The following CSNK2A2 variants were observed in gnomAD, a reference collection of about 807,000 sequenced individuals.
CSNK2A2 encodes casein kinase II subunit alpha'.
CSNK2A2 carries 8 observed loss-of-function variants against 54.0 expected under a neutral mutation model. That is an observed-to-expected ratio of 0.15 (90% confidence interval 0.09 to 0.27). The LOEUF is 0.27. CSNK2A2 is among the 10% of genes least tolerant of loss of function. The pLI is 1.00. For synonymous variants in CSNK2A2, 141 were observed against 153.9 expected (o/e 0.92, Z 0.62); for missense variants, 242 against 439.4 (o/e 0.55, Z 4.02).
At chr16:58,166,438 A>AT in intron 9 of CSNK2A2, 146 bp downstream of exon 9, 2 of 529,936 alleles carry the variant, frequency 3.8e-6, no homozygotes, top group Non-Finnish European at 6.7e-6. Flanking sequence ...AAATATCTCA[A>AT]TAAGTTAAAA....
chr16:58,197,508 C>G lies in CSNK2A2; in HGVS notation c.104+125G>C, dbSNP rs1428881837. 2.0e-6 allele frequency: 1 copy of G among 488,504 alleles called. No individual in the cohort carries two copies. The highest frequency in any genetic ancestry group is 2.1e-5 in the African/African-American group (1 of 47,416). The allele number at this position is 488,504 out of a possible 1,614,324, so 30.3% of individuals were successfully genotyped here. A position where few individuals can be genotyped will look rare whatever the true frequency, so the allele number is the denominator to read the frequency against. On this transcript the variant is annotated intron_variant, in intron 1 of 11. Coordinates refer to ENST00000262506, the MANE Select transcript of CSNK2A2 (RefSeq NM_001896.4). This position sits in a 1 kb window ranked among gnomAD's most constrained non-coding sequence, Gnocchi z 4.0. ...GAGGACATGTGCGAGAGCGGGACCT[C>G]TGCCTCCCTGCGGGCCCGCGGAGGG...
chr16:58,180,182 GA>G (rs1961996559), intron 4 of CSNK2A2, among the ~76,000 whole-genome samples: 2 of 151,554 alleles, frequency 1.3e-5, no homozygotes. Context: ...GTTGAAGGAA[GA>G]AAGAAGAAAA....
chr16:58,165,107 G>C (rs1170306748), intron 10 of CSNK2A2, among the ~76,000 whole-genome samples: 1 of 152,062 alleles, frequency 6.6e-6, no homozygotes, highest in Non-Finnish European at 1.5e-5. Context: ...ATTTCAGTGA[G>C]GCCTCTCCAC....
Position 58,197,494 on chromosome 16 carries a change from C to A in CSNK2A2, c.104+139G>T. The A allele has an allele frequency of 4.3e-6, 2 of 464,766 alleles. No homozygotes were observed. Among genetic ancestry groups the A allele is most frequent in the Non-Finnish European group, 7.8e-6 (2 of 257,680 alleles). 28.8% of individuals were successfully genotyped at this position (464,766 alleles called of 1,614,324 possible). On this transcript the variant is annotated intron_variant, in intron 1 of 11. Coordinates refer to ENST00000262506, the MANE Select transcript of CSNK2A2 (RefSeq NM_001896.4). The surrounding 1 kb of genome is among the most constrained non-coding windows in gnomAD (Gnocchi z 4.0). ...GGGAAGAGGAAGACGAGGACATGTG[C>A]GAGAGCGGGACCTCTGCCTCCCTGC...
rs984633409 is a variant in CSNK2A2, at chr16:58,198,096, AAGG to A, written c.-363_-361del. ...GGCAGCGGCGGCGGCAGCGGAGAAG[AAGG>A]AGGAGAGGAGGAGGAGGCGGAGGAA... On this transcript the variant is annotated 5_prime_UTR_variant, in exon 1 of 12. Transcript: ENST00000262506. Among the ~76,000 whole-genome samples the A allele has an allele frequency of 3.4e-5, 5 of 146,182 alleles. No individual in the cohort carries two copies. Among genetic ancestry groups the A allele is most frequent in the African/African-American group, 9.8e-5 (4 of 40,762 alleles).
At chr16:58,187,720 T>C (rs527310877) in intron 2 of CSNK2A2, among the ~76,000 whole-genome samples, 1 of 152,256 alleles carries the variant, frequency 6.6e-6, no homozygotes, top group Non-Finnish European at 1.5e-5. Context: ...TATTTTCATA[T>C]TTTTAGTAAT....
At position 58,196,751 on chromosome 16, in the gene CSNK2A2, C is replaced by T. The variant is rs1962464275; in HGVS notation, c.198G>A (p.Val66=). 2 of 1,612,944 alleles carry T rather than the reference C, an allele frequency of 1.2e-6. No homozygotes were observed. Among genetic ancestry groups the T allele is most frequent in the Non-Finnish European group, 1.7e-6 (2 of 1,178,960 alleles). The stretch of plus-strand genomic sequence containing the variant: ...CACTCACCTTCAGGATTTTTACAAC[C>T]ACTCTCTCATTGTTGGTGATATTAA... The part of the protein sequence containing the change: ...EAINITNNER[V]VVKILKPVKK... Residue 66 remains valine (V), a synonymous_variant, in exon 2 of 12, where the codon GTG becomes GTA. Coordinates refer to ENST00000262506, the MANE Select transcript of CSNK2A2 (RefSeq NM_001896.4).
intron 5 of CSNK2A2, among the ~76,000 whole-genome samples, chr16:58,170,238 C>A (rs775104514): frequency 3.9e-5 from 6 of 151,952 alleles, no homozygotes; most frequent in Non-Finnish European, 8.8e-5. Context: ...TAGTCAATCC[C>A]CTTTCCTAAC....
chr16:58,192,891 A>T (rs1415445098), intron 2 of CSNK2A2: 1 of 152,284 alleles, frequency 6.6e-6, no homozygotes, highest in Non-Finnish European at 1.5e-5. Flanking sequence ...ATTTGTAAAA[A>T]GGGCCTGGGT....
intron 2 of CSNK2A2, among the ~76,000 whole-genome samples, chr16:58,187,495 C>T (rs1273269843): frequency 6.6e-6 from 1 of 152,202 alleles, no homozygotes; most frequent in Non-Finnish European, 1.5e-5. Context: ...AGTGACTGAA[C>T]ACTTCTATCT....
intron 10 of CSNK2A2, among the ~76,000 whole-genome samples, chr16:58,165,163 A>G (rs1197666240): frequency 6.6e-6 from 1 of 152,186 alleles, no homozygotes; most frequent in Non-Finnish European, 1.5e-5. Context: ...CCATCTGTTC[A>G]TCTCCTTCTT....
intron 2 of CSNK2A2, among the ~76,000 whole-genome samples, chr16:58,188,593 T>C (rs2095878494): frequency 6.6e-6 from 1 of 152,270 alleles, no homozygotes; most frequent in African/African-American, 2.4e-5. Context: ...ATTATAAGGA[T>C]AGCTGGCAAA....
intron 2 of CSNK2A2, among the ~76,000 whole-genome samples, chr16:58,187,771 T>C (rs1597123225): frequency 6.6e-6 from 1 of 152,250 alleles, no homozygotes; most frequent in East Asian, 1.9e-4. Context: ...ACAAAGTCCT[T>C]ATGTAGCAGA....
At chr16:58,161,283 C>G (rs576365409) in intron 11 of CSNK2A2, 1 of 152,294 alleles carries the variant, frequency 6.6e-6, no homozygotes, top group South Asian at 2.1e-4. Context: ...CTCACCATAC[C>G]AGGTCTATGT....
At chr16:58,186,935 C>A (rs1567471969) in intron 2 of CSNK2A2, 79 bp from the exon 3 acceptor site, 2 of 1,113,414 alleles carry the variant, frequency 1.8e-6, no homozygotes, top group Admixed American at 3.6e-5. Flanking sequence ...GTTAGCCAAT[C>A]AGATGGATAG....
intron 4 of CSNK2A2, among the ~76,000 whole-genome samples, chr16:58,183,775 C>T (rs187067716): frequency 2.0e-5 from 3 of 151,996 alleles, no homozygotes; most frequent in East Asian, 3.9e-4. Context: ...GTAAAAAACC[C>T]GATAGGGCTC....
At chr16:58,188,776 A>C (rs530022829) in intron 2 of CSNK2A2, among the ~76,000 whole-genome samples, 14 of 152,318 alleles carry the variant, frequency 9.2e-5, no homozygotes, top group African/African-American at 3.1e-4. Flanking sequence ...TACATAACAT[A>C]AATGTCATTA....
rs550619363 is a variant in CSNK2A2, at chr16:58,192,055, A to G, written c.216+4678T>C. Among the ~76,000 whole-genome samples the G allele has an allele frequency of 3.3e-5, 5 of 152,304 alleles. No individual in the cohort carries two copies. The South Asian group carries it at 8.3e-4, about 25-fold the overall frequency. ...GTAGATTACTAAAACATGACAATCA[A>G]TCTCTCTACCCATCTATCTATAGTT... On this transcript the variant is annotated intron_variant, in intron 2 of 11. Coordinates refer to ENST00000262506, the MANE Select transcript of CSNK2A2 (RefSeq NM_001896.4).
intron 5 of CSNK2A2, among the ~76,000 whole-genome samples, chr16:58,169,445 G>C (rs1567465109): frequency 6.6e-6 from 1 of 152,058 alleles, no homozygotes; most frequent in Non-Finnish European, 1.5e-5. Context: ...CTGGAGAACT[G>C]CTTGAACCTG....
Sources: allele counts gnomAD v4.1 joint callset (sites outside exome capture counted in the v4.1 genomes callset), GRCh38; gene constraint gnomAD v4.1.1; non-coding constraint Gnocchi (gnomAD v3.1); transcripts MANE v1.5; gene names NCBI Gene and HGNC (gene_info 2026-07-23, HGNC 2026-07-21).